The following NTM variants were observed in gnomAD, a reference collection of about 807,000 sequenced individuals.
NTM encodes the protein IgLON family member 2.
In NTM, 13 loss-of-function variants were observed where a neutral mutation model predicts 42.1. The observed-to-expected ratio is 0.31, with a 90% confidence interval of 0.20 to 0.49. The LOEUF is 0.49. Ranked by LOEUF, NTM falls within the 20% of genes least tolerant of loss-of-function variation. The pLI, the probability that NTM is intolerant of heterozygous loss-of-function variation, is 0.99. For synonymous variants in NTM, 187 were observed against 179.2 expected, an observed-to-expected ratio of 1.04 and a Z score of -0.35; for missense variants, 373 against 452.8, an observed-to-expected ratio of 0.82 and a Z score of 1.60.
intron 1 of NTM, 181 bp downstream of exon 1, chr11:131,371,069 C>T: frequency 1.0e-6 from 1 of 985,422 alleles, no homozygotes; most frequent in Non-Finnish European, 1.2e-6. Flanking sequence ...TGATTTGATT[C>T]TGGCTGCTAC....
At chr11:131,511,946 A>G (rs2048307142) in intron 1 of NTM, among the ~76,000 whole-genome samples, 2 of 152,146 alleles carry the variant, frequency 1.3e-5, no homozygotes, top group Non-Finnish European at 2.9e-5. Flanking sequence ...CCCGGCCCCT[A>G]TTCTATGGTC....
At chr11:131,556,799 C>T (rs1437047295) in intron 1 of NTM, among the ~76,000 whole-genome samples, 1 of 152,094 alleles carries the variant, frequency 6.6e-6, no homozygotes, top group Non-Finnish European at 1.5e-5. Context: ...AACTCCTGAC[C>T]TCGTGACTCA....
chr11:131,721,417 G>A (rs11222751), intron 1 of NTM, among the ~76,000 whole-genome samples: 1 of 152,094 alleles, frequency 6.6e-6, no homozygotes, highest in Non-Finnish European at 1.5e-5. Flanking sequence ...ATGGGGATAA[G>A]AGTGCCTCCT....
At chr11:131,833,767 G>A (rs1256729659) in intron 1 of NTM, among the ~76,000 whole-genome samples, 1 of 152,148 alleles carries the variant, frequency 6.6e-6, no homozygotes, top group Non-Finnish European at 1.5e-5. Context: ...ATAGCCTAGT[G>A]GTTAAAGATG....
At chr11:131,820,474 T>C (rs1023242127) in intron 1 of NTM, among the ~76,000 whole-genome samples, 1 of 152,236 alleles carries the variant, frequency 6.6e-6, no homozygotes, top group Non-Finnish European at 1.5e-5. Flanking sequence ...ATATGTATTA[T>C]GAAAGAATTT....
At chr11:132,180,996 T>G (rs2077496046) in intron 3 of NTM, among the ~76,000 whole-genome samples, 1 of 152,184 alleles carries the variant, frequency 6.6e-6, no homozygotes, top group Admixed American at 6.5e-5. Context: ...GTATTTAACT[T>G]AAGGATCTCA....
In NTM at chr11:131,993,846, A is replaced by T. The variant is rs1365768356; in HGVS notation, c.167+82198A>T. 2.0e-5 allele frequency among the ~76,000 whole-genome samples: 3 copies of T among 151,958 alleles called. No homozygotes were observed. The East Asian group carries it at 5.8e-4, about 29-fold the overall frequency. The stretch of plus-strand genomic sequence containing the variant: ...TAGAAACCCCATCTCTACTAAAAAT[A>T]CAAAAAATTAGCTGGGTGCGGTGGT... On this transcript the variant is annotated intron_variant, in intron 2 of 8. Transcript: ENST00000683400.
chr11:132,268,728 T>C (rs537673435), intron 4 of NTM, among the ~76,000 whole-genome samples: 1 of 151,600 alleles, frequency 6.6e-6, no homozygotes, highest in East Asian at 1.9e-4. Flanking sequence ...TTTAGGATAA[T>C]TTTGCATTAT....
intron 4 of NTM, among the ~76,000 whole-genome samples, chr11:132,281,789 C>T (rs989892281): frequency 1.3e-5 from 2 of 152,140 alleles, no homozygotes; most frequent in African/African-American, 4.8e-5. Context: ...GGAATATAGC[C>T]TTGTGAATTC....
chr11:131,959,852 A>C (rs991142463), intron 2 of NTM, among the ~76,000 whole-genome samples: 1 of 152,202 alleles, frequency 6.6e-6, no homozygotes, highest in African/African-American at 2.4e-5. Flanking sequence ...CAGATGAAGA[A>C]ATGCCACAGA....
At chr11:131,892,444 C>A (rs1477723370) in intron 1 of NTM, among the ~76,000 whole-genome samples, 1 of 152,244 alleles carries the variant, frequency 6.6e-6, no homozygotes. Flanking sequence ...TCACTCCTCT[C>A]AGCTGTGTGT....
chr11:131,374,924 C>G (rs1459355965), intron 1 of NTM, among the ~76,000 whole-genome samples: 1 of 152,196 alleles, frequency 6.6e-6, no homozygotes, highest in African/African-American at 2.4e-5. Flanking sequence ...TGTGATTTGG[C>G]TTTTTTCCTA....
chr11:131,836,732 A>T (rs926887842), intron 1 of NTM, among the ~76,000 whole-genome samples: 22 of 152,142 alleles, frequency 1.4e-4, no homozygotes, highest in African/African-American at 2.4e-5. Flanking sequence ...TCCTCAGGGG[A>T]TTATTAATTA....
chr11:131,612,986 A>C (rs568014197), intron 1 of NTM, among the ~76,000 whole-genome samples: 16 of 152,342 alleles, frequency 1.1e-4, no homozygotes, highest in African/African-American at 3.4e-4. Flanking sequence ...AGCTGCTACC[A>C]TTTGAGGCAG....
intron 3 of NTM, among the ~76,000 whole-genome samples, chr11:132,147,762 C>T (rs1322489578): frequency 6.6e-6 from 1 of 152,104 alleles, no homozygotes; most frequent in Non-Finnish European, 1.5e-5. Context: ...CTCCTAGGGG[C>T]TCCTTCCACC....
chr11:131,598,706 TC>T (rs2060056229), intron 1 of NTM, among the ~76,000 whole-genome samples: 1 of 40,960 alleles, frequency 2.4e-5, no homozygotes, highest in African/African-American at 5.2e-5. Context: ...TTTCTTTCTT[TC>T]TTTCTTTCTT....
chr11:132,115,606 G>A (rs978951389), intron 2 of NTM, among the ~76,000 whole-genome samples: 19 of 152,192 alleles, frequency 1.2e-4, no homozygotes, highest in Non-Finnish European at 2.2e-4. Flanking sequence ...AGGCTCAGCC[G>A]TAGTCTGGAT....
intron 1 of NTM, among the ~76,000 whole-genome samples, chr11:131,611,371 C>T (rs1274237948): frequency 6.6e-6 from 1 of 152,148 alleles, no homozygotes; most frequent in Non-Finnish European, 1.5e-5. Flanking sequence ...AGAACTAATT[C>T]CTGGCTCCTG....
intron 1 of NTM, among the ~76,000 whole-genome samples, chr11:131,746,478 G>C (rs191201999): frequency 6.6e-6 from 1 of 152,304 alleles, no homozygotes. Context: ...GAAGACAGAT[G>C]CTCATGAATA....
Sources: gnomAD v4.1 joint callset for allele counts (sites outside exome capture counted in the v4.1 genomes callset) on GRCh38, gnomAD v4.1.1 for gene constraint, MANE v1.5 for transcripts, NCBI Gene and HGNC (gene_info 2026-07-23, HGNC 2026-07-21) for gene names.